SGO1: variants seen among roughly 807,000 people sequenced by gnomAD.
SGO1 encodes shugoshin 1, also known as serologically defined breast cancer antigen NY-BR-85.
Under a neutral mutation model 50.5 loss-of-function variants are expected in SGO1, and 39 were observed. The observed-to-expected ratio is 0.77, with a 90% confidence interval of 0.60 to 1.01. The LOEUF (loss-of-function observed/expected upper bound fraction) is 1.01. SGO1 is among the 50% of genes least tolerant of loss of function. SGO1 has a pLI of 0.00. For synonymous variants in SGO1, 191 were observed against 205.1 expected (o/e 0.93, Z 0.59); for missense variants, 638 against 606.0 (o/e 1.05, Z -0.55).
Position 20,178,298 on chromosome 3 carries a change from G to A in SGO1, c.389C>T (p.Ser130Phe). The A allele has an allele frequency of 1.2e-6, 2 of 1,612,576 alleles. No individual in the cohort carries two copies. The highest frequency in any genetic ancestry group is 1.7e-6 in the Non-Finnish European group (2 of 1,178,946). Residue 130 changes from serine to phenylalanine, a missense_variant, in exon 4 of 8, where the codon TCC becomes TTC. Transcript: ENST00000412997. ...SGMDPNSDDS[S>F]RNLFVKDLPQ... ...TAAATCCTTCACAAATAAATTTCTG[G>A]AGCTGTCATCACTATTGGGGTCCAT...
Position 20,175,044 on chromosome 3 carries a change from T to A in SGO1, c.487A>T (p.Thr163Ser), listed in dbSNP as rs760014871. 1 of 1,521,678 alleles carries A rather than the reference T, an allele frequency of 6.6e-7. No homozygotes were observed. The highest frequency in any genetic ancestry group is 2.3e-5 in the East Asian group (1 of 43,210). The allele number at this position is 1,521,678 out of a possible 1,614,324, so 94.3% of individuals were successfully genotyped here. ...ESFQIEDQIP[T>S]IPQDTLGVDF... Reference sequence around the variant, plus strand: ...ACTCCCAGTGTGTCTTGAGGAATAGTAGGTATCTGATCTGAGAATTTAAAA... The same window carrying A: ...ACTCCCAGTGTGTCTTGAGGAATAGAAGGTATCTGATCTGAGAATTTAAAA... The change falls in exon 6 of 8, where the codon ACT (threonine) becomes TCT (serine). Residue 163 changes from threonine to serine, a missense_variant. Coordinates refer to ENST00000412997, the MANE Select transcript of SGO1 (RefSeq NM_001199251.3).
chr3:20,172,763 A>T (rs939989457), intron 6 of SGO1, among the ~76,000 whole-genome samples: 1 of 149,292 alleles, frequency 6.7e-6, no homozygotes, highest in Non-Finnish European at 1.5e-5. Context: ...CACCCTGGCA[A>T]CACAGTGAGA....
At chr3:20,173,051 A>G (rs1488504794) in intron 6 of SGO1, among the ~76,000 whole-genome samples, 1 of 152,150 alleles carries the variant, frequency 6.6e-6, no homozygotes, top group East Asian at 1.9e-4. Flanking sequence ...ACAGTATAAT[A>G]AACTCTGAGT....
intron 6 of SGO1, among the ~76,000 whole-genome samples, chr3:20,172,792 TA>T (rs60411282): frequency 8.6e-4 from 85 of 98,912 alleles, no homozygotes; most frequent in Middle Eastern, 7.5e-3. Flanking sequence ...TCACAAAAAG[TA>T]AAAAAAAAAA....
intron 3 of SGO1, among the ~76,000 whole-genome samples, chr3:20,180,423 T>C (rs2125358202): frequency 6.6e-6 from 1 of 152,326 alleles, no homozygotes; most frequent in African/African-American, 2.4e-5. Context: ...AGGAGAGGTT[T>C]CATTACTTTT....
At chr3:20,161,582 T>C (rs563437008) in intron 8 of SGO1, among the ~76,000 whole-genome samples, 1 of 152,238 alleles carries the variant, frequency 6.6e-6, no homozygotes, top group African/African-American at 2.4e-5. Context: ...ACAATGTGAA[T>C]TCCATCAGGG....
In SGO1 at chr3:20,174,571, AAC is replaced by A. The variant is rs1453302809; in HGVS notation, c.958_959del (p.Val320SerfsTer13). 1 of 1,604,086 alleles carries A rather than the reference AAC, an allele frequency of 6.2e-7. No individual in the cohort carries two copies. Among genetic ancestry groups the A allele is most frequent in the East Asian group, 2.2e-5 (1 of 44,844 alleles). Reference sequence around the variant, plus strand: ...CAGATTTGTGCATTTTTTTTTGGGGAACAGTTTTTTTATTTTCGCTTTTATTC... The same window carrying A: ...CAGATTTGTGCATTTTTTTTTGGGGAAGTTTTTTTATTTTCGCTTTTATTC... ...KENKSENKKT[V>X]PQKKMHKSVS... On this transcript the variant is annotated frameshift_variant, in exon 6 of 8. Transcript: ENST00000412997. LOFTEE classifies it high-confidence loss of function.
At chr3:20,178,374 GT>G in intron 3 of SGO1, 27 bp from the exon 4 acceptor site, 1 of 1,476,138 alleles carries the variant, frequency 6.8e-7, no homozygotes, top group Non-Finnish European at 9.5e-7. Flanking sequence ...ACAAAACACT[GT>G]TATAACTGAA....
downstream of SGO1, among the ~76,000 whole-genome samples, chr3:20,164,941 CA>C (rs1553601939): frequency 6.6e-6 from 1 of 152,036 alleles, no homozygotes; most frequent in Non-Finnish European, 1.5e-5. Context: ...GGAATGAGGG[CA>C]AAATTGAATT....
intron 5 of SGO1, among the ~76,000 whole-genome samples, 172 bp from the exon 6 acceptor site, chr3:20,175,227 T>G (rs979840380): frequency 6.6e-6 from 1 of 152,214 alleles, no homozygotes; most frequent in Non-Finnish European, 1.5e-5. Flanking sequence ...TACCATCTAT[T>G]TACTTGTCAG....
chr3:20,184,123 ATAGAC>A (rs1702353432), intron 1 of SGO1, 89 bp from the exon 2 acceptor site: 3 of 1,022,760 alleles, frequency 2.9e-6, no homozygotes, highest in Non-Finnish European at 4.1e-6. Context: ...AATGCATTAA[ATAGAC>A]TAAACTGTAG....
chr3:20,165,498 AAAATT>A (rs1306764412), downstream of SGO1, among the ~76,000 whole-genome samples: 15 of 152,332 alleles, frequency 9.8e-5, 1 homozygote, highest in African/African-American at 2.9e-4. Flanking sequence ...CCAAGGGAGA[AAAATT>A]AAACAGATTC....
chr3:20,174,153 C>G (rs1439592589), intron 6 of SGO1, 96 bp downstream of exon 6: 1 of 1,001,018 alleles, frequency 1.0e-6, no homozygotes, highest in African/African-American at 1.6e-5. Flanking sequence ...CTCCAACCTC[C>G]ACCAGAGAAA....
rs1260311903 is a variant in SGO1 at position 20,174,581 on chromosome 3, T to G, written c.950A>C (p.Lys317Thr). Residue 317 changes from lysine (K) to threonine (T), a missense_variant, in exon 6 of 8, where the codon AAA becomes ACA. Physicochemically the swap from Lys to Thr is moderately conservative, Grantham distance 78 (BLOSUM62 -1). Coordinates refer to ENST00000412997, the MANE Select transcript of SGO1 (RefSeq NM_001199251.3). Reference protein sequence around the residue: ...SKYKENKSENKKTVPQKKMHK... With the variant: ...SKYKENKSENTKTVPQKKMHK... Reference sequence around the variant, plus strand: ...CATTTTTTTTTGGGGAACAGTTTTTTTATTTTCGCTTTTATTCTCTTTATA... The same window carrying G: ...CATTTTTTTTTGGGGAACAGTTTTTGTATTTTCGCTTTTATTCTCTTTATA... The G allele has an allele frequency of 6.2e-7, 1 of 1,603,294 alleles. No homozygotes were observed. The highest frequency in any genetic ancestry group is 8.5e-7 in the Non-Finnish European group (1 of 1,176,940).
rs189289898 is a variant in SGO1, at chr3:20,170,185, G to A, written c.*519C>T. On this transcript the variant is annotated 3_prime_UTR_variant, in exon 8 of 8. Coordinates refer to ENST00000412997, the MANE Select transcript of SGO1 (RefSeq NM_001199251.3). ...AGGCCGAGGTGGGCAGATCACCTGAGGTTGGGAGTTTGAGAGCAACCTGAC... is the reference window on the plus strand; with the variant it reads ...AGGCCGAGGTGGGCAGATCACCTGAAGTTGGGAGTTTGAGAGCAACCTGAC... 125 of 831,912 alleles carry A rather than the reference G, an allele frequency of 1.5e-4. No homozygotes were observed. In the African/African-American group the frequency reaches 2.1e-3, roughly 14 times the overall value. 51.5% of individuals were successfully genotyped at this position (831,912 alleles called of 1,614,324 possible).
At chr3:20,160,874 G>T in exon 9 of SGO1, 1 of 362,642 alleles carries the variant, frequency 2.8e-6, no homozygotes, top group Non-Finnish European at 4.9e-6. Flanking sequence ...CAACCAAAAG[G>T]AAACTTAAAA....
intron 4 of SGO1, among the ~76,000 whole-genome samples, chr3:20,177,761 A>G (rs1357512226): frequency 1.3e-5 from 2 of 152,226 alleles, no homozygotes; most frequent in Admixed American, 6.5e-5. Context: ...TTAAATCTTA[A>G]TAATTCATAA....
At chr3:20,181,380 T>C (rs1055482692) in intron 3 of SGO1, among the ~76,000 whole-genome samples, 1 of 152,254 alleles carries the variant, frequency 6.6e-6, no homozygotes, top group Non-Finnish European at 1.5e-5. Context: ...AAAACATTCT[T>C]GTAAAATTCT....
chr3:20,169,412 C>G, downstream of SGO1: 1 of 984,788 alleles, frequency 1.0e-6, no homozygotes, highest in African/African-American at 1.7e-5. Flanking sequence ...AGGAAATGTC[C>G]AAGGATGAGA....
Sources: allele counts gnomAD v4.1 joint callset (sites outside exome capture counted in the v4.1 genomes callset), GRCh38; gene constraint gnomAD v4.1.1; transcripts MANE v1.5; gene names NCBI Gene and HGNC (gene_info 2026-07-23, HGNC 2026-07-21).